The following RND1 variants were observed in gnomAD, a reference collection of about 807,000 sequenced individuals.
RND1 encodes the protein Rho family GTPase 1.
RND1 carries 9 observed loss-of-function variants against 27.1 expected under a neutral mutation model. That is an observed-to-expected ratio of 0.33 (90% CI 0.20 to 0.58). RND1 has a LOEUF of 0.58. Among genes scored for constraint, RND1 ranks in the 20% least tolerant of loss-of-function variants. The pLI is 0.86. For synonymous variants in RND1, 108 were observed against 115.7 expected, an observed-to-expected ratio of 0.93 and a Z score of 0.43; for missense variants, 253 against 292.2, an observed-to-expected ratio of 0.87 and a Z score of 0.98.
intron 1 of RND1, 77 bp downstream of exon 1, chr12:48,865,571 T>TCCTG (rs1246834938): frequency 2.0e-6 from 3 of 1,515,256 alleles, no homozygotes; most frequent in Non-Finnish European, 2.7e-6. Flanking sequence ...GAGCCACGTC[T>TCCTG]CCTGAGCAGG....
intron 1 of RND1, chr12:48,865,251 A>C (rs1165853349): frequency 5.3e-6 from 2 of 376,224 alleles, no homozygotes; most frequent in Non-Finnish European, 1.0e-5. Flanking sequence ...GAGGGGCTGC[A>C]GAAGCCTGCC....
At chr12:48,860,290 G>A (rs984134691) in intron 4 of RND1, among the ~76,000 whole-genome samples, 6 of 151,930 alleles carry the variant, frequency 3.9e-5, no homozygotes, top group Non-Finnish European at 7.4e-5. Flanking sequence ...TGCCATGTTG[G>A]CCAGGCTAGT....
chr12:48,864,416 T>TGCGCGCGCGCGCGCGC (rs57360089), intron 2 of RND1, among the ~76,000 whole-genome samples: 1 of 135,460 alleles, frequency 7.4e-6, no homozygotes, highest in African/African-American at 2.7e-5. Flanking sequence ...TGTGTGTGTG[T>TGCGCGCGCGCGCGCGC]GCGCGCGCGC....
At chr12:48,863,492 T>C (rs1199443196) in intron 2 of RND1, among the ~76,000 whole-genome samples, 1 of 151,950 alleles carries the variant, frequency 6.6e-6, no homozygotes, top group African/African-American at 2.4e-5. Context: ...TCTGGGAAGA[T>C]TGGAAGGTGG....
Position 48,865,663 on chromosome 12 carries a change from C to T in RND1, c.105G>A (p.Lys35=). The change falls in exon 1 of 5, where the codon AAG becomes AAA. Residue 35 remains lysine (K), a synonymous_variant. Transcript: ENST00000309739. ...GGCAGCTCACCTCTGGATAGCAATC[C>T]TTCGCTAACACTTGCAACATCGCGG... is the stretch of plus-strand genomic sequence containing the variant. The part of the protein sequence containing the change: ...GKTAMLQVLA[K]DCYPETYVPT... 1 of 1,613,850 alleles carries T rather than the reference C, an allele frequency of 6.2e-7. No individual in the cohort carries two copies. The highest frequency in any genetic ancestry group is 2.2e-5 in the East Asian group (1 of 44,878).
intron 4 of RND1, among the ~76,000 whole-genome samples, chr12:48,860,704 CTTTT>C (rs144167355): frequency 6.6e-6 from 1 of 151,248 alleles, no homozygotes; most frequent in African/African-American, 2.4e-5. Context: ...CACCTGGCCT[CTTTT>C]TTTTGTGTGT....
intron 4 of RND1, among the ~76,000 whole-genome samples, chr12:48,860,373 G>T (rs1035656857): frequency 6.6e-6 from 1 of 151,502 alleles, no homozygotes; most frequent in South Asian, 2.1e-4. Flanking sequence ...GTGAGCCACC[G>T]CACCCAGTGC....
chr12:48,860,801 A>G (rs2137507917), intron 4 of RND1, among the ~76,000 whole-genome samples, 196 bp downstream of exon 4: 1 of 152,218 alleles, frequency 6.6e-6, no homozygotes, highest in Non-Finnish European at 1.5e-5. Context: ...ACACAGGAAT[A>G]ACTCACCTGC....
At chr12:48,865,331 C>T (rs1938972210) in intron 1 of RND1, 1 of 424,948 alleles carries the variant, frequency 2.4e-6, no homozygotes, top group African/African-American at 2.0e-5. Flanking sequence ...AAGAAGAAAC[C>T]CCAGACTTTC....
intron 2 of RND1, among the ~76,000 whole-genome samples, chr12:48,864,416 T>TGCGC (rs57360089): frequency 0.068 from 9,162 of 135,348 alleles, 330 homozygotes; most frequent in South Asian, 0.1. Flanking sequence ...TGTGTGTGTG[T>TGCGC]GCGCGCGCGC....
At chr12:48,862,172 T>C (rs1938927854) in intron 2 of RND1, 54 bp from the exon 3 acceptor site, 5 of 1,078,894 alleles carry the variant, frequency 4.6e-6, no homozygotes, top group East Asian at 4.7e-5. Context: ...CCTTCCCCAA[T>C]AGGCCTAAGC....
At chr12:48,861,984 G>C in intron 3 of RND1, 25 bp downstream of exon 3, 1 of 1,317,136 alleles carries the variant, frequency 7.6e-7, no homozygotes. Flanking sequence ...CTGAGTTAGA[G>C]ATTAGAGAGT....
Position 48,857,982 on chromosome 12 carries a change from C to G in RND1, c.*14G>C. 1 of 1,578,188 alleles carries G rather than the reference C, an allele frequency of 6.3e-7. No individual in the cohort carries two copies. Among genetic ancestry groups the G allele is most frequent in the Non-Finnish European group, 8.6e-7 (1 of 1,161,512 alleles). ...GAGGAAGTAGGGGGTTGTCTCCCCC[C>G]TCCAATTTCCACTTCACATAATGGA... On this transcript the variant is annotated 3_prime_UTR_variant, in exon 5 of 5. Transcript: ENST00000309739.
chr12:48,860,379 A>G (rs1022409294), intron 4 of RND1, among the ~76,000 whole-genome samples: 7 of 151,286 alleles, frequency 4.6e-5, no homozygotes, highest in Admixed American at 2.6e-4. Flanking sequence ...CACCGCACCC[A>G]GTGCCCCTCC....
intron 2 of RND1, among the ~76,000 whole-genome samples, chr12:48,864,449 G>A (rs1011088815): frequency 2.0e-5 from 3 of 151,662 alleles, no homozygotes; most frequent in Non-Finnish European, 2.9e-5. Context: ...ATGTGTGTAC[G>A]CGTGCATGTT....
Position 48,865,685 on chromosome 12 carries a change from G to A in RND1, c.83C>T (p.Ala28Val). The A allele has an allele frequency of 6.2e-7, 1 of 1,614,120 alleles. No homozygotes were observed. Among genetic ancestry groups the A allele is most frequent in the Non-Finnish European group, 8.5e-7 (1 of 1,180,006 alleles). Residue 28 changes from alanine to valine, a missense_variant, in exon 1 of 5, where the codon GCG becomes GTG. Transcript: ENST00000309739. ...ATCCTTCGCTAACACTTGCAACATCGCGGTCTTCCCACACTGCACGTCCCC... is the reference window on the plus strand; with the variant it reads ...ATCCTTCGCTAACACTTGCAACATCACGGTCTTCCCACACTGCACGTCCCC... ...LVGDVQCGKT[A>V]MLQVLAKDCY...
chr12:48,865,560 G>A (rs1438264122), intron 1 of RND1, 88 bp downstream of exon 1: 2 of 1,464,294 alleles, frequency 1.4e-6, no homozygotes, highest in Non-Finnish European at 9.3e-7. Context: ...TGGGGCTGGG[G>A]GAGCCACGTC....
chr12:48,864,935 G>T, intron 1 of RND1, 65 bp from the exon 2 acceptor site: 1 of 1,157,166 alleles, frequency 8.6e-7, no homozygotes, highest in Non-Finnish European at 1.3e-6. Flanking sequence ...GTTAGTGCTG[G>T]CTACACACGC....
rs746148844 is a variant in RND1 at position 48,865,776 on chromosome 12, T to G, written c.-9A>C. 21 of 1,581,592 alleles carry G rather than the reference T, an allele frequency of 1.3e-5. No individual in the cohort carries two copies. Among genetic ancestry groups the G allele is most frequent in the Non-Finnish European group, 1.8e-5 (21 of 1,158,624 alleles). ...GCCCGTCTCTCCTTCATGGTTGCAG[T>G]GTCCGCGGGACTTGAACTTCGATTC... is the stretch of plus-strand genomic sequence containing the variant. On this transcript the variant is annotated 5_prime_UTR_variant, in exon 1 of 5. Coordinates refer to ENST00000309739, the MANE Select transcript of RND1 (RefSeq NM_014470.4).
Sources: gnomAD v4.1 joint callset for allele counts (sites outside exome capture counted in the v4.1 genomes callset) on GRCh38, gnomAD v4.1.1 for gene constraint, MANE v1.5 for transcripts, NCBI Gene and HGNC (gene_info 2026-07-23, HGNC 2026-07-21) for gene names.